RALYL: variants seen among roughly 807,000 people sequenced by gnomAD.
The protein encoded by RALYL is RALY RNA binding protein like.
In RALYL, 29 loss-of-function variants were observed where a neutral mutation model predicts 35.1. The ratio of observed to expected loss-of-function variants is 0.83; its 90% CI spans 0.61 to 1.13. The LOEUF is 1.13. Among genes scored for constraint, RALYL ranks in the 50% most tolerant of loss-of-function variants. The pLI, the probability that RALYL is intolerant of heterozygous loss-of-function variation, is 0.00. For missense variants in RALYL, 359 were observed against 360.4 expected, an observed-to-expected ratio of 1.00 and a Z score of 0.03; for synonymous variants, 120 against 127.6, an observed-to-expected ratio of 0.94 and a Z score of 0.40.
chr8:84,193,327 G>A (rs1339579547), intron 1 of RALYL, among the ~76,000 whole-genome samples: 4 of 152,116 alleles, frequency 2.6e-5, no homozygotes, highest in Admixed American at 2.0e-4. Context: ...TAATAGAAAG[G>A]AAAATAATTT....
intron 2 of RALYL, among the ~76,000 whole-genome samples, chr8:84,701,924 A>G (rs2132322102): frequency 6.6e-6 from 1 of 152,154 alleles, no homozygotes; most frequent in South Asian, 2.1e-4. Flanking sequence ...TGTTATGTTG[A>G]ACTGTCTCTG....
At chr8:84,392,875 T>A (rs1034548647) in intron 1 of RALYL, among the ~76,000 whole-genome samples, 5 of 152,080 alleles carry the variant, frequency 3.3e-5, no homozygotes, top group Admixed American at 2.6e-4. Flanking sequence ...GACAAAGTGT[T>A]TTATCATCTA....
chr8:84,864,197 G>T (rs1272352634), intron 6 of RALYL, among the ~76,000 whole-genome samples: 1 of 128,362 alleles, frequency 7.8e-6, no homozygotes, highest in Non-Finnish European at 1.7e-5. Context: ...CTTTGTGTGT[G>T]TGTTTGTGTG....
At chr8:84,384,433 C>T (rs1858717976) in intron 1 of RALYL, among the ~76,000 whole-genome samples, 1 of 151,744 alleles carries the variant, frequency 6.6e-6, no homozygotes, top group African/African-American at 2.4e-5. Flanking sequence ...TCATGTGACT[C>T]TATTTTAATC....
chr8:84,526,079 G>A (rs1587987948), intron 1 of RALYL, among the ~76,000 whole-genome samples: 1 of 149,746 alleles, frequency 6.7e-6, no homozygotes, highest in East Asian at 2.0e-4. Flanking sequence ...AGCCTTCCGA[G>A]TAGCTGGGAT....
intron 1 of RALYL, among the ~76,000 whole-genome samples, chr8:84,207,742 A>G (rs1436276251): frequency 6.6e-6 from 1 of 151,884 alleles, no homozygotes; most frequent in African/African-American, 2.4e-5. Context: ...ACCCCCCAGG[A>G]AACTGTGTGA....
intron 2 of RALYL, among the ~76,000 whole-genome samples, chr8:84,736,111 C>T (rs970154366): frequency 8.6e-5 from 13 of 152,028 alleles, no homozygotes; most frequent in African/African-American, 2.7e-4. Flanking sequence ...AAATTCATAA[C>T]GAACAAAGAA....
intron 2 of RALYL, among the ~76,000 whole-genome samples, chr8:84,688,586 A>G (rs1837330215): frequency 6.6e-6 from 1 of 152,152 alleles, no homozygotes; most frequent in African/African-American, 2.4e-5. Flanking sequence ...AAAATTGATT[A>G]AAGATTTAAA....
intron 2 of RALYL, among the ~76,000 whole-genome samples, chr8:84,669,203 T>C (rs1033779769): frequency 2.6e-5 from 4 of 152,166 alleles, no homozygotes; most frequent in Non-Finnish European, 4.4e-5. Flanking sequence ...TCTCACTGGG[T>C]ACACTTTGAC....
In RALYL at chr8:84,889,224, G is replaced by A. The variant is rs191668465; in HGVS notation, c.858+1448G>A. 2.4e-3 allele frequency among the ~76,000 whole-genome samples: 371 copies of A among 152,290 alleles called. 1 individual carries two copies. The highest frequency in any genetic ancestry group is 4.5e-3 in the Non-Finnish European group (303 of 68,034). On this transcript the variant is annotated intron_variant, in intron 8 of 8. Coordinates refer to ENST00000521268, the MANE Select transcript of RALYL (RefSeq NM_173848.7). ...AATGTCCCAGCTTCTCCTTAGGCAG[G>A]ACTACATGATTCAGCAGGACTAATT...
At chr8:84,772,646 G>T (rs577444335) in intron 2 of RALYL, among the ~76,000 whole-genome samples, 1 of 152,028 alleles carries the variant, frequency 6.6e-6, no homozygotes, top group Admixed American at 6.6e-5. Flanking sequence ...GTTGTATAGA[G>T]ATATACAATT....
chr8:84,269,835 A>G (rs1833971353), intron 1 of RALYL, among the ~76,000 whole-genome samples: 1 of 152,238 alleles, frequency 6.6e-6, no homozygotes, highest in East Asian at 1.9e-4. Context: ...TAGAAAATGT[A>G]TTTAAAACTA....
At chr8:84,391,395 T>C (rs1860667229) in intron 1 of RALYL, among the ~76,000 whole-genome samples, 1 of 152,008 alleles carries the variant, frequency 6.6e-6, no homozygotes. Flanking sequence ...AAAGCACTCA[T>C]TTACATCTAA....
intron 2 of RALYL, among the ~76,000 whole-genome samples, chr8:84,652,151 C>T (rs1433798817): frequency 2.0e-5 from 3 of 152,006 alleles, no homozygotes; most frequent in Non-Finnish European, 4.4e-5. Flanking sequence ...CAGCACTGGA[C>T]TATAATTGTA....
intron 2 of RALYL, among the ~76,000 whole-genome samples, chr8:84,636,158 G>T (rs1260927076): frequency 6.6e-6 from 1 of 151,608 alleles, no homozygotes; most frequent in Non-Finnish European, 1.5e-5. Flanking sequence ...TAATTACCAG[G>T]ATTTAATTTT....
In RALYL at chr8:84,749,865, C is replaced by A. The variant is rs573705756; in HGVS notation, c.257-24714C>A. On this transcript the variant is annotated intron_variant, in intron 2 of 8. Coordinates refer to ENST00000521268, the MANE Select transcript of RALYL (RefSeq NM_173848.7). Reference sequence around the variant, plus strand: ...CATTCATTGTAAGTCAGAAAGCTGCCCAGGGAAGATGAGCTCTGGGCTGCT... The same window carrying A: ...CATTCATTGTAAGTCAGAAAGCTGCACAGGGAAGATGAGCTCTGGGCTGCT... Among the ~76,000 whole-genome samples the A allele has an allele frequency of 9.9e-5, 15 of 152,192 alleles. No individual in the cohort carries two copies. The East Asian group carries it at 2.9e-3, about 29-fold the overall frequency.
chr8:84,307,412 A>C (rs1842023681), intron 1 of RALYL, among the ~76,000 whole-genome samples: 1 of 152,162 alleles, frequency 6.6e-6, no homozygotes, highest in African/African-American at 2.4e-5. Context: ...GAAACAGAAA[A>C]TTAGAGATTA....
intron 1 of RALYL, among the ~76,000 whole-genome samples, chr8:84,419,077 G>C (rs73306325): frequency 0.034 from 5,129 of 152,122 alleles, 289 homozygotes; most frequent in African/African-American, 0.12. Context: ...AAAAGATAAG[G>C]TGAAAAGAGG....
At chr8:84,501,635 C>T (rs2056669950) in intron 1 of RALYL, among the ~76,000 whole-genome samples, 1 of 151,722 alleles carries the variant, frequency 6.6e-6, no homozygotes, top group African/African-American at 2.4e-5. Context: ...TATGAGTGTT[C>T]AAGAAATTTA....
Sources: gnomAD v4.1 joint callset for allele counts (sites outside exome capture counted in the v4.1 genomes callset) on GRCh38, gnomAD v4.1.1 for gene constraint, MANE v1.5 for transcripts, NCBI Gene and HGNC (gene_info 2026-07-23, HGNC 2026-07-21) for gene names.